Variants in HMCES observed in about 807,000 individuals in gnomAD.
The protein encoded by HMCES is 5-hydroxymethylcytosine binding, ES cell specific.
In HMCES, 27 loss-of-function variants were observed where a neutral mutation model predicts 35.1. The ratio of observed to expected loss-of-function variants is 0.77; its 90% CI spans 0.57 to 1.06. The LOEUF (loss-of-function observed/expected upper bound fraction) is 1.06, where lower values mean the gene tolerates loss of function less well. HMCES is among the 50% of genes least tolerant of loss of function. The pLI, the probability that HMCES is intolerant of heterozygous loss-of-function variation, is 0.00. For missense variants in HMCES, 391 were observed against 430.4 expected, an observed-to-expected ratio of 0.91 and a Z score of 0.81; for synonymous variants, 130 against 154.7, an observed-to-expected ratio of 0.84 and a Z score of 1.18.
At position 129,278,896 on chromosome 3, in the gene HMCES, CCGGGG is replaced by C. The variant is rs1178860981; in HGVS notation, c.-30_-26del. The C allele has an allele frequency of 2.0e-5, 3 of 149,984 alleles. No homozygotes were observed. Among genetic ancestry groups the C allele is most frequent in the African/African-American group, 4.9e-5 (2 of 40,494 alleles). 9.3% of individuals were successfully genotyped at this position (149,984 alleles called of 1,614,324 possible). The stretch of plus-strand genomic sequence containing the variant: ...GAGTCGAGGGAGGTGACGCGCGCTG[CCGGGG>C]CGAGGTGAGGGGAGGGGAGGCGACG... On this transcript the variant is annotated 5_prime_UTR_variant, in exon 1 of 7. Coordinates refer to ENST00000383463, the MANE Select transcript of HMCES (RefSeq NM_020187.3).
In HMCES at chr3:129,285,601, G is replaced by A. The variant is rs575309582; in HGVS notation, c.184-3253G>A. 3.1e-3 allele frequency among the ~76,000 whole-genome samples: 471 copies of A among 152,084 alleles called. 3 individuals carry two copies. Among genetic ancestry groups the A allele is most frequent in the Middle Eastern group, 0.014 (4 of 294 alleles). On this transcript the variant is annotated intron_variant, in intron 2 of 6. Transcript: ENST00000383463. ...TGAGTAGCTGGGACTACAGGCACTCGCCACCACGCCCGGCTAATTTTTTTT... is the reference window on the plus strand; with the variant it reads ...TGAGTAGCTGGGACTACAGGCACTCACCACCACGCCCGGCTAATTTTTTTT...
chr3:129,280,893 C>G (rs1368668303), intron 2 of HMCES, among the ~76,000 whole-genome samples: 2 of 152,154 alleles, frequency 1.3e-5, no homozygotes, highest in South Asian at 2.1e-4. Context: ...TTCTCCATGT[C>G]TTAAATATTT....
At chr3:129,300,168 A>T (rs1442235801) in intron 5 of HMCES, among the ~76,000 whole-genome samples, 4 of 87,384 alleles carry the variant, frequency 4.6e-5, no homozygotes, top group South Asian at 6.7e-4. Flanking sequence ...GTGCATCTTT[A>T]TATATATATA....
Position 129,279,640 on chromosome 3 carries a change from C to CGG in HMCES, c.-23-67_-23-66dup, listed in dbSNP as rs1347385575. The CGG allele has an allele frequency of 2.8e-6, 4 of 1,437,850 alleles. No individual in the cohort carries two copies. The highest frequency in any genetic ancestry group is 2.9e-6 in the Non-Finnish European group (3 of 1,052,014). The allele number at this position is 1,437,850 out of a possible 1,614,324, so 89.1% of individuals were successfully genotyped here. On this transcript the variant is annotated intron_variant, in intron 1 of 6. Transcript: ENST00000383463. The surrounding 1 kb of genome is among the most constrained non-coding windows in gnomAD (Gnocchi z 4.2). ...GCCCTGTGGGAACGGAAAGAGAAGG[C>CGG]GGGGACTCAAGGAATAAGACCTAAT...
chr3:129,282,301 A>AC (rs1940517114), intron 2 of HMCES, among the ~76,000 whole-genome samples: 1 of 151,626 alleles, frequency 6.6e-6, no homozygotes, highest in African/African-American at 2.4e-5. Context: ...TTAACAAAAA[A>AC]AAAAAAAAAA....
At chr3:129,303,342 C>CT (rs1294511466) in intron 6 of HMCES, among the ~76,000 whole-genome samples, 3 of 152,196 alleles carry the variant, frequency 2.0e-5, no homozygotes, top group Non-Finnish European at 2.9e-5. Flanking sequence ...AGCTGTCCCC[C>CT]TCTCTATTTT....
At chr3:129,287,810 A>G (rs1177627810) in intron 2 of HMCES, among the ~76,000 whole-genome samples, 2 of 152,208 alleles carry the variant, frequency 1.3e-5, no homozygotes, top group African/African-American at 2.4e-5. Context: ...CTGTAATCAC[A>G]GCACTTTGGG....
intron 3 of HMCES, among the ~76,000 whole-genome samples, chr3:129,290,190 CAAAAA>C (rs747358663): frequency 3.3e-5 from 2 of 60,998 alleles, no homozygotes; most frequent in Non-Finnish European, 3.7e-5. Flanking sequence ...GACTCCGTCT[CAAAAA>C]AAAAAAAAAA....
chr3:129,305,488 G>A lies in HMCES; in HGVS notation c.*663G>A, dbSNP rs2071222790. The A allele has an allele frequency of 6.6e-6, 1 of 152,078 alleles. No homozygotes were observed. The highest frequency in any genetic ancestry group is 2.4e-5 in the African/African-American group (1 of 41,392). The allele number at this position is 152,078 out of a possible 1,614,324, so 9.4% of individuals were successfully genotyped here. A position where few individuals can be genotyped will look rare whatever the true frequency, so the allele number is the denominator to read the frequency against. On this transcript the variant is annotated 3_prime_UTR_variant, in exon 7 of 7. Coordinates refer to ENST00000383463, the MANE Select transcript of HMCES (RefSeq NM_020187.3). ...CTTTCATTCTTGATACTTGGAAGTC[G>A]TCTGAATCCTTTAGCTTCAAACCAG...
chr3:129,284,812 G>A (rs1266316077), intron 2 of HMCES, among the ~76,000 whole-genome samples: 1 of 152,246 alleles, frequency 6.6e-6, no homozygotes, highest in African/African-American at 2.4e-5. Context: ...CTTGGGAGGC[G>A]GAGGCAGGAG....
chr3:129,285,477 A>G (rs1940610354), intron 2 of HMCES, among the ~76,000 whole-genome samples: 1 of 150,202 alleles, frequency 6.7e-6, no homozygotes, highest in African/African-American at 2.5e-5. Flanking sequence ...TTTGAGATGG[A>G]GTCTTGCTCT....
chr3:129,289,672 G>A (rs891158462), intron 3 of HMCES, among the ~76,000 whole-genome samples: 15 of 152,000 alleles, frequency 9.9e-5, no homozygotes, highest in African/African-American at 2.9e-4. Context: ...ATCACGCCCG[G>A]CCTACTTCTG....
At chr3:129,303,511 G>C (rs1432199060) in intron 6 of HMCES, among the ~76,000 whole-genome samples, 1 of 152,170 alleles carries the variant, frequency 6.6e-6, no homozygotes, top group Non-Finnish European at 1.5e-5. Flanking sequence ...GGGAACAGAA[G>C]TGTTTTAGAT....
intron 2 of HMCES, among the ~76,000 whole-genome samples, chr3:129,280,157 A>C (rs1336958607): frequency 6.6e-6 from 1 of 152,214 alleles, no homozygotes; most frequent in Non-Finnish European, 1.5e-5. Context: ...ATGGCATACT[A>C]GCCTTAATAT....
chr3:129,295,320 C>T (rs1390475901), intron 4 of HMCES, among the ~76,000 whole-genome samples: 1 of 151,718 alleles, frequency 6.6e-6, no homozygotes, highest in African/African-American at 2.4e-5. Flanking sequence ...GCCTGTGGTC[C>T]CAGCTACTTG....
intron 4 of HMCES, among the ~76,000 whole-genome samples, chr3:129,293,723 A>G (rs758821510): frequency 5.9e-5 from 9 of 151,886 alleles, no homozygotes; most frequent in Non-Finnish European, 1.2e-4. Flanking sequence ...GCGTGCCACC[A>G]TGTCTGGCTA....
rs1380530859 is a variant in HMCES, at chr3:129,279,467, C to A, written c.-23-243C>A. On this transcript the variant is annotated intron_variant, in intron 1 of 6. Transcript: ENST00000383463. The surrounding 1 kb of genome is among the most constrained non-coding windows in gnomAD (Gnocchi z 4.2). ...CGCTGCGGCTCTTCCTGCGCTCAGG[C>A]AGGCATTTGCAGAGCTCCTCTCGGG... 6.6e-6 allele frequency among the ~76,000 whole-genome samples: 1 copy of A among 152,226 alleles called. No individual in the cohort carries two copies. Among genetic ancestry groups the A allele is most frequent in the Non-Finnish European group, 1.5e-5 (1 of 68,034 alleles).
At chr3:129,290,264 C>T (rs1031620726) in intron 3 of HMCES, among the ~76,000 whole-genome samples, 1 of 145,504 alleles carries the variant, frequency 6.9e-6, no homozygotes, top group African/African-American at 2.8e-5. Context: ...ATTGGCAGAC[C>T]TCAGATTTTA....
At chr3:129,288,162 C>A (rs1427918804) in intron 2 of HMCES, among the ~76,000 whole-genome samples, 1 of 152,172 alleles carries the variant, frequency 6.6e-6, no homozygotes, top group Non-Finnish European at 1.5e-5. Context: ...GTAGTCCCAG[C>A]TACTTGGGAG....
Sources: gnomAD v4.1 joint callset for allele counts (sites outside exome capture counted in the v4.1 genomes callset) on GRCh38, gnomAD v4.1.1 for gene constraint, Gnocchi (gnomAD v3.1) non-coding constraint, MANE v1.5 for transcripts, NCBI Gene and HGNC (gene_info 2026-07-23, HGNC 2026-07-21) for gene names.